SRGAP2C: variants seen among roughly 807,000 people sequenced by gnomAD.
SRGAP2C encodes SLIT-ROBO Rho GTPase-activating protein 2C.
SRGAP2C carries 15 observed loss-of-function variants against 25.1 expected under a neutral mutation model. The ratio of observed to expected loss-of-function variants is 0.60; its 90% CI spans 0.40 to 0.92. The LOEUF (loss-of-function observed/expected upper bound fraction) is 0.92. Among genes scored for constraint, SRGAP2C ranks in the 40% least tolerant of loss-of-function variants. The pLI is 0.00. For synonymous variants in SRGAP2C, 44 were observed against 96.6 expected, an observed-to-expected ratio of 0.46 and a Z score of 3.19; for missense variants, 144 against 264.4, an observed-to-expected ratio of 0.54 and a Z score of 3.16.
At chr1:121,223,083 G>C (rs1328811105) in intron 2 of SRGAP2C, among the ~76,000 whole-genome samples, 2 of 151,980 alleles carry the variant, frequency 1.3e-5, no homozygotes, top group African/African-American at 4.8e-5. Context: ...TATGGTGCTT[G>C]GGTCAGTGTC....
At chr1:121,228,011 C>A in intron 2 of SRGAP2C, among the ~76,000 whole-genome samples, 1 of 141,856 alleles carries the variant, frequency 7.0e-6, no homozygotes, top group East Asian at 2.0e-4. Flanking sequence ...TGGCCTTGTG[C>A]TTTAAATAGT....
At chr1:121,340,257 G>T (rs1365485979) in intron 4 of SRGAP2C, among the ~76,000 whole-genome samples, 1 of 151,482 alleles carries the variant, frequency 6.6e-6, no homozygotes, top group East Asian at 1.9e-4. Flanking sequence ...CATTTTGAGG[G>T]TGGAGAGTAG....
intron 2 of SRGAP2C, among the ~76,000 whole-genome samples, chr1:121,208,625 G>C (rs1242482584): frequency 6.6e-6 from 1 of 152,052 alleles, no homozygotes; most frequent in Non-Finnish European, 1.5e-5. Flanking sequence ...ACAAAATGAG[G>C]TCATACCAAT....
intron 5 of SRGAP2C, among the ~76,000 whole-genome samples, chr1:121,367,276 C>T (rs1553349690): frequency 1.3e-5 from 2 of 150,882 alleles, no homozygotes; most frequent in African/African-American, 4.9e-5. Flanking sequence ...AGAGTAGAGG[C>T]ACTAGGAAGT....
intron 2 of SRGAP2C, among the ~76,000 whole-genome samples, chr1:121,201,563 G>A (rs1654977901): frequency 6.6e-6 from 1 of 152,216 alleles, no homozygotes; most frequent in Admixed American, 6.5e-5. Context: ...AGAAGAAAAG[G>A]CATATGCACA....
chr1:121,329,878 G>T (rs1426913414), intron 4 of SRGAP2C, among the ~76,000 whole-genome samples: 1 of 152,108 alleles, frequency 6.6e-6, no homozygotes, highest in Admixed American at 6.5e-5. Flanking sequence ...AATTGAGCCC[G>T]TTTGGTGCTC....
At chr1:121,285,897 G>T (rs1230140478) in intron 3 of SRGAP2C, among the ~76,000 whole-genome samples, 1 of 151,846 alleles carries the variant, frequency 6.6e-6, no homozygotes. Context: ...CCACAGCAGG[G>T]GTGTCCAATC....
chr1:121,195,284 C>T (rs1409034830), intron 2 of SRGAP2C, among the ~76,000 whole-genome samples: 2 of 151,926 alleles, frequency 1.3e-5, no homozygotes, highest in Admixed American at 6.6e-5. Context: ...GTGGTGGGTG[C>T]CTGTAATCCC....
At chr1:121,212,050 A>C (rs1242202944) in intron 2 of SRGAP2C, among the ~76,000 whole-genome samples, 1 of 111,360 alleles carries the variant, frequency 9.0e-6, no homozygotes, top group African/African-American at 3.6e-5. Context: ...CCTACTATGT[A>C]CCAGGCTCTG....
At chr1:121,207,275 C>T (rs1404458845) in intron 2 of SRGAP2C, among the ~76,000 whole-genome samples, 2 of 152,142 alleles carry the variant, frequency 1.3e-5, no homozygotes, top group Non-Finnish European at 2.9e-5. Flanking sequence ...CATTTTCTTT[C>T]CCTGTGCCCT....
In SRGAP2C at chr1:121,202,824, G is replaced by A. The variant is rs1456240847; in HGVS notation, c.67+15311G>A. On this transcript the variant is annotated intron_variant, in intron 2 of 9. Transcript: ENST00000367123. ...CAGTCTATTAGAAATGTCTTAGTCCGTTTTCTGTTGATTATAACACAATGC... is the reference window on the plus strand; with the variant it reads ...CAGTCTATTAGAAATGTCTTAGTCCATTTTCTGTTGATTATAACACAATGC... Among the ~76,000 whole-genome samples the A allele has an allele frequency of 4.2e-4, 61 of 146,828 alleles. 1 individual carries two copies. Among genetic ancestry groups the A allele is most frequent in the Middle Eastern group, 7.0e-3 (2 of 286 alleles).
intron 3 of SRGAP2C, among the ~76,000 whole-genome samples, chr1:121,305,305 A>G (rs1226471622): frequency 2.9e-5 from 4 of 139,520 alleles, no homozygotes; most frequent in African/African-American, 8.1e-5. Flanking sequence ...CCTTAGGATA[A>G]TGTTGATCTG....
rs1255671725 is a variant in SRGAP2C, at chr1:121,295,750, T to C, written c.260+10755T>C. Among the ~76,000 whole-genome samples the C allele has an allele frequency of 5.3e-5, 8 of 152,172 alleles. No homozygotes were observed. In the East Asian group the frequency reaches 1.5e-3, roughly 29 times the overall value. ...TTTTTTGTTTTTGTTGTTGTTGTTG[T>C]TGTTGTTGTTGTTGTTTGGGTTTTT... On this transcript the variant is annotated intron_variant, in intron 3 of 9. Transcript: ENST00000367123.
intron 2 of SRGAP2C, among the ~76,000 whole-genome samples, chr1:121,228,794 C>G (rs1197580583): frequency 6.6e-6 from 1 of 150,796 alleles, no homozygotes; most frequent in African/African-American, 2.5e-5. Flanking sequence ...ACATCTAGGG[C>G]TCCTGACAGT....
chr1:121,367,025 C>T (rs1186250623), intron 5 of SRGAP2C, among the ~76,000 whole-genome samples: 8 of 147,496 alleles, frequency 5.4e-5, no homozygotes, highest in East Asian at 2.1e-4. Context: ...TGCAGAGGGC[C>T]GAGCTGCTAC....
intron 5 of SRGAP2C, among the ~76,000 whole-genome samples, chr1:121,372,063 A>C (rs1659505812): frequency 6.6e-6 from 1 of 152,012 alleles, no homozygotes; most frequent in South Asian, 2.1e-4. Flanking sequence ...TTCTGTATAG[A>C]AAATATGAAG....
At chr1:121,361,658 G>A (rs1553348586) in intron 4 of SRGAP2C, 1 of 150,870 alleles carries the variant, frequency 6.6e-6, no homozygotes, top group East Asian at 2.0e-4. Flanking sequence ...TGGCCAAATG[G>A]TTGTGGTGAG....
At position 121,324,407 on chromosome 1, in the gene SRGAP2C, G is replaced by A. The variant is rs1247104268; in HGVS notation, c.261-71G>A. The A allele has an allele frequency of 7.0e-4, 929 of 1,325,248 alleles. 8 individuals carry two copies. The African/African-American group carries it at 0.01, about 15-fold the overall frequency. 82.1% of individuals were successfully genotyped at this position (1,325,248 alleles called of 1,614,324 possible). On this transcript the variant is annotated intron_variant, in intron 3 of 9. Transcript: ENST00000367123. ...TTTGATTGCTGTGATTTTAGGACAC[G>A]GACTATAGTTGTAGATGTTGCCCTG...
intron 4 of SRGAP2C, among the ~76,000 whole-genome samples, chr1:121,329,354 C>T (rs1419094552): frequency 1.3e-5 from 2 of 148,616 alleles, no homozygotes; most frequent in African/African-American, 5.0e-5. Context: ...AGAGAAAATC[C>T]TGGATTTTCT....
Sources: gnomAD v4.1 joint callset for allele counts (sites outside exome capture counted in the v4.1 genomes callset) on GRCh38, gnomAD v4.1.1 for gene constraint, MANE v1.5 for transcripts, NCBI Gene and HGNC (gene_info 2026-07-23, HGNC 2026-07-21) for gene names.